Variants in KASH5 observed in about 807,000 individuals in gnomAD.
The protein encoded by KASH5 is protein KASH5.
KASH5 carries 72 observed loss-of-function variants against 84.2 expected under a neutral mutation model. That is an observed-to-expected ratio of 0.85 (90% confidence interval 0.71 to 1.04). KASH5 has a LOEUF of 1.04. KASH5 is among the 50% of genes least tolerant of loss of function. The pLI is 0.00. For missense variants in KASH5, 650 were observed against 701.0 expected (o/e 0.93, Z 0.82); for synonymous variants, 260 against 279.1 (o/e 0.93, Z 0.68).
Position 49,397,641 on chromosome 19 carries a change from C to T in KASH5, c.401-10C>T. The T allele has an allele frequency of 6.2e-7, 1 of 1,613,734 alleles. No individual in the cohort carries two copies. Among genetic ancestry groups the T allele is most frequent in the Non-Finnish European group, 8.5e-7 (1 of 1,179,702 alleles). ...GGGAAGCCAACATTCTCTTGGCTCT[C>T]TCCCTCCAGGATGCCCAGAAGCTGA... On this transcript the variant is annotated splice_polypyrimidine_tract_variant and intron_variant, in intron 5 of 19. Coordinates refer to ENST00000447857, the MANE Select transcript of KASH5 (RefSeq NM_144688.5).
chr19:49,396,108 CCTCTCCTCACT>C (rs1199084418), intron 5 of KASH5, among the ~76,000 whole-genome samples: 1 of 152,160 alleles, frequency 6.6e-6, no homozygotes, highest in African/African-American at 2.4e-5. Context: ...ATTAACATCA[CCTCTCCTCACT>C]CTAGTCCAGG....
intron 16 of KASH5, among the ~76,000 whole-genome samples, chr19:49,413,334 A>T (rs1974787962): frequency 6.6e-6 from 1 of 152,186 alleles, no homozygotes; most frequent in African/African-American, 2.4e-5. Context: ...GGTACTTTGC[A>T]GTCAGGCTGG....
chr19:49,409,145 G>A, intron 13 of KASH5, 51 bp from the exon 14 acceptor site: 1 of 1,599,332 alleles, frequency 6.3e-7, no homozygotes, highest in Non-Finnish European at 8.5e-7. Flanking sequence ...AGCTGACTGA[G>A]TGGCCACCAG....
At chr19:49,397,858 G>C in intron 6 of KASH5, 124 bp from the exon 7 acceptor site, 1 of 1,417,592 alleles carries the variant, frequency 7.1e-7, no homozygotes, top group Non-Finnish European at 9.7e-7. Flanking sequence ...GAGAGCAGAG[G>C]AGTCTCTCTC....
chr19:49,395,244 C>T lies in KASH5; in HGVS notation c.287C>T (p.Thr96Ile), dbSNP rs1974137571. Residue 96 changes from threonine to isoleucine, a missense_variant, in exon 4 of 20, where the codon ACT becomes ATT. Transcript: ENST00000447857. This position sits in a 1 kb window ranked among gnomAD's most constrained non-coding sequence, Gnocchi z 4.4. ...EGPKATVDLDTFLVVMRDWIA... is the reference protein window; with the variant it reads ...EGPKATVDLDIFLVVMRDWIA... ...CCTAAGGCCACTGTGGACTTGGACA[C>T]TTTCCTGGTTGTCATGCGTGACTGG... 1 of 1,613,176 alleles carries T rather than the reference C, an allele frequency of 6.2e-7. No homozygotes were observed. Among genetic ancestry groups the T allele is most frequent in the African/African-American group, 1.3e-5 (1 of 75,026 alleles).
intron 5 of KASH5, 136 bp from the exon 6 acceptor site, chr19:49,397,515 C>T: frequency 1.4e-6 from 1 of 735,146 alleles, no homozygotes; most frequent in Non-Finnish European, 2.3e-6. Flanking sequence ...GGTATAACTG[C>T]AGCCCCAAAA....
intron 2 of KASH5, among the ~76,000 whole-genome samples, chr19:49,392,359 A>G (rs888699802): frequency 9.9e-5 from 15 of 152,156 alleles, no homozygotes; most frequent in African/African-American, 3.6e-4. Context: ...AGAAAGAGCC[A>G]AAGAGAAATG....
chr19:49,411,910 GGGAAGGAGGGAAGGAAGGAAGGAA>G (rs1389129612), intron 15 of KASH5, among the ~76,000 whole-genome samples: 8 of 127,720 alleles, frequency 6.3e-5, no homozygotes, highest in East Asian at 2.2e-4. Flanking sequence ...GAGGGAGGGA[GGGAAGGAGGGAAGGAAGGAAGGAA>G]GGAAGGAAGG....
intron 12 of KASH5, 109 bp from the exon 13 acceptor site, chr19:49,408,858 C>T: frequency 8.9e-7 from 1 of 1,126,044 alleles, no homozygotes; most frequent in South Asian, 1.4e-5. Flanking sequence ...GTCTGGGGAG[C>T]CCAAAGTAGT....
intron 7 of KASH5, 113 bp downstream of exon 7, chr19:49,398,256 C>A: frequency 1.2e-6 from 1 of 862,492 alleles, no homozygotes; most frequent in Non-Finnish European, 1.7e-6. Context: ...GACTCTGTAC[C>A]TGTCCTTTCT....
chr19:49,417,044 T>A lies in KASH5; in HGVS notation c.1404T>A (p.Pro468=). Residue 468 remains proline (P), a synonymous_variant, in exon 18 of 20, where the codon CCT becomes CCA. Transcript: ENST00000447857. The surrounding 1 kb of genome is among the most constrained non-coding windows in gnomAD (Gnocchi z 5.2). Reference sequence around the variant, plus strand: ...ATCTCCCTGTCCCTCTAGGAGCCCCTCGCCCTGGAGACATCCCAGAAAACC... The same window carrying A: ...ATCTCCCTGTCCCTCTAGGAGCCCCACGCCCTGGAGACATCCCAGAAAACC... The part of the protein sequence containing the change: ...TADLPVPLGA[P]RPGDIPENPP... 6.3e-7 allele frequency: 1 copy of A among 1,594,718 alleles called. No individual in the cohort carries two copies. The highest frequency in any genetic ancestry group is 8.5e-7 in the Non-Finnish European group (1 of 1,171,208).
At chr19:49,397,180 A>C (rs1302156603) in intron 5 of KASH5, among the ~76,000 whole-genome samples, 1 of 151,986 alleles carries the variant, frequency 6.6e-6, no homozygotes, top group Non-Finnish European at 1.5e-5. Flanking sequence ...CTGCAAGCAG[A>C]GGAGGGACTA....
At chr19:49,392,525 T>C (rs1459307026) in intron 2 of KASH5, among the ~76,000 whole-genome samples, 4 of 152,184 alleles carry the variant, frequency 2.6e-5, no homozygotes, top group Non-Finnish European at 4.4e-5. Context: ...ATGCCAGTCC[T>C]GAGTTCTATT....
intron 7 of KASH5, among the ~76,000 whole-genome samples, chr19:49,398,667 C>T (rs1375318373): frequency 6.8e-6 from 1 of 147,700 alleles, no homozygotes; most frequent in Non-Finnish European, 1.5e-5. Flanking sequence ...CTGCACCCAG[C>T]CTAGATTTCT....
intron 9 of KASH5, among the ~76,000 whole-genome samples, chr19:49,403,389 G>T (rs371671222): frequency 2.0e-5 from 3 of 151,676 alleles, no homozygotes; most frequent in African/African-American, 7.3e-5. Context: ...AAAAAAAGGG[G>T]GGGGGCAGCC....
chr19:49,398,722 TC>T (rs1974266474), intron 7 of KASH5, among the ~76,000 whole-genome samples: 1 of 152,152 alleles, frequency 6.6e-6, no homozygotes, highest in Non-Finnish European at 1.5e-5. Flanking sequence ...ACTCGCCCTT[TC>T]ATCTCTCTGT....
chr19:49,413,019 TC>T lies in KASH5; in HGVS notation c.1323del (p.Met442CysfsTer3), dbSNP rs1974771171. ...CCCTGAAGAAGGAAGGAAGGAGCCA[TC>T]CATGTGGTAAGGAGCTGAGCCATCC... ...AHPEEGRKEP[S>X]MWLTRREEEE... On this transcript the variant is annotated frameshift_variant, in exon 16 of 20. Coordinates refer to ENST00000447857, the MANE Select transcript of KASH5 (RefSeq NM_144688.5). LOFTEE classifies it high-confidence loss of function. 1 of 1,612,706 alleles carries T rather than the reference TC, an allele frequency of 6.2e-7. No homozygotes were observed. Among genetic ancestry groups the T allele is most frequent in the South Asian group, 1.1e-5 (1 of 91,076 alleles).
At position 49,409,214 on chromosome 19, in the gene KASH5, G is replaced by A. The variant is rs1159658799; in HGVS notation, c.1077G>A (p.Gln359=). Residue 359 remains glutamine (Q), a synonymous_variant, in exon 14 of 20, where the codon CAG becomes CAA. Transcript: ENST00000447857. ...EGPDELPEGA[Q]LRRVGWTELL... is the part of the protein sequence containing the mutation. ...TGGCCAGGCTACCTGAAGGGGCCCAGCTGAGAAGAGTGGGCTGGACCGAGC... is the reference window on the plus strand; with the variant it reads ...TGGCCAGGCTACCTGAAGGGGCCCAACTGAGAAGAGTGGGCTGGACCGAGC... The A allele has an allele frequency of 6.2e-7, 1 of 1,613,884 alleles. No individual in the cohort carries two copies. The highest frequency in any genetic ancestry group is 2.2e-5 in the East Asian group (1 of 44,882).
intron 16 of KASH5, among the ~76,000 whole-genome samples, chr19:49,413,929 G>C (rs541948170): frequency 1.3e-5 from 2 of 152,234 alleles, no homozygotes; most frequent in African/African-American, 4.8e-5. Flanking sequence ...CTGTATTCCT[G>C]AGGGTATCTC....
Sources: allele counts gnomAD v4.1 joint callset (sites outside exome capture counted in the v4.1 genomes callset), GRCh38; gene constraint gnomAD v4.1.1; non-coding constraint Gnocchi (gnomAD v3.1); transcripts MANE v1.5; gene names NCBI Gene and HGNC (gene_info 2026-07-23, HGNC 2026-07-21).